Variants in OBSL1 observed in about 807,000 individuals in gnomAD.
OBSL1 encodes obscurin like cytoskeletal adaptor 1, also known as obscurin-like protein 1.
In OBSL1, 160 loss-of-function variants were observed where a neutral mutation model predicts 172.0. That is an observed-to-expected ratio of 0.93 (90% CI 0.82 to 1.06). The LOEUF is 1.06. OBSL1 is among the 50% of genes least tolerant of loss of function. OBSL1 has a pLI of 0.00. For synonymous variants in OBSL1, 1,200 were observed against 1,196.3 expected (o/e 1.00, Z -0.06); for missense variants, 2,681 against 2,715.4 (o/e 0.99, Z 0.28).
chr2:219,549,680 T>C (rs1695500275), downstream of OBSL1: 2 of 1,606,576 alleles, frequency 1.2e-6, no homozygotes, highest in East Asian at 4.5e-5. Flanking sequence ...GGCAGGATTC[T>C]GCGGTGGGAC....
In OBSL1 at chr2:219,557,589, C is replaced by T. The variant is rs1424707853; in HGVS notation, c.3820G>A (p.Ala1274Thr). Residue 1274 changes from alanine to threonine, a missense_variant, in exon 12 of 21, where the codon GCA becomes ACA. By Grantham distance (58) the Ala-to-Thr change is moderately conservative. Coordinates refer to ENST00000404537, the MANE Select transcript of OBSL1 (RefSeq NM_015311.3). Reference protein sequence around the residue: ...EPPVRVVAPEAAQTRVRSTPG... With the variant: ...EPPVRVVAPETAQTRVRSTPG... ...GTGCTCCGAACCCTCGTCTGGGCTG[C>T]CTCGGGAGCTACCACCCGCACAGGG... 3 of 1,545,702 alleles carry T rather than the reference C, an allele frequency of 1.9e-6. No homozygotes were observed. Among genetic ancestry groups the T allele is most frequent in the African/African-American group, 1.4e-5 (1 of 73,086 alleles).
intron 1 of OBSL1, chr2:219,569,257 G>C (rs1237674758): frequency 6.6e-6 from 1 of 152,188 alleles, no homozygotes; most frequent in Non-Finnish European, 1.5e-5. Flanking sequence ...TGATGAATCT[G>C]TGAGCATTGA....
At chr2:219,547,535 C>T, downstream of OBSL1, 1 of 1,454,082 alleles carries the variant, frequency 6.9e-7, no homozygotes. Context: ...AGTGCTCTTT[C>T]TCACTGGGTT....
At position 219,571,391 on chromosome 2, in the gene OBSL1, T is replaced by G; in HGVS notation, c.-159A>C. 7.8e-6 allele frequency: 3 copies of G among 383,414 alleles called. No individual in the cohort carries two copies. Among genetic ancestry groups the G allele is most frequent in the Non-Finnish European group, 1.3e-5 (3 of 227,844 alleles). 23.8% of individuals were successfully genotyped at this position (383,414 alleles called of 1,614,324 possible). On this transcript the variant is annotated 5_prime_UTR_variant, in exon 1 of 21. Coordinates refer to ENST00000404537, the MANE Select transcript of OBSL1 (RefSeq NM_015311.3). Reference sequence around the variant, plus strand: ...GCCTCCCGCTCCCGGCTCGCCTCCTTACCCTCGGCCCCGAGCTGCAGCTCT... The same window carrying G: ...GCCTCCCGCTCCCGGCTCGCCTCCTGACCCTCGGCCCCGAGCTGCAGCTCT...
chr2:219,570,172 C>G, intron 1 of OBSL1, 49 bp downstream of exon 1: 1 of 1,447,114 alleles, frequency 6.9e-7, no homozygotes, highest in Non-Finnish European at 9.2e-7. Flanking sequence ...GTTCGGAGGG[C>G]CTCGGAGGAC....
chr2:219,547,588 G>A (rs1359683060), downstream of OBSL1: 1 of 1,468,450 alleles, frequency 6.8e-7, no homozygotes, highest in Admixed American at 2.4e-5. Flanking sequence ...GCTACCGAGA[G>A]CGGGTGCTAG....
intron 5 of OBSL1, among the ~76,000 whole-genome samples, chr2:219,565,807 TCTGGTTG>T (rs1310262573): frequency 1.3e-5 from 2 of 152,186 alleles, no homozygotes; most frequent in Non-Finnish European, 2.9e-5. Flanking sequence ...GAAATGCTGC[TCTGGTTG>T]CTGGTCAGGT....
Position 219,553,669 on chromosome 2 carries a change from C to T in OBSL1, c.4894G>A (p.Val1632Met), listed in dbSNP as rs540208891. Residue 1632 changes from valine to methionine, a missense_variant, in exon 16 of 21, where the codon GTG becomes ATG. Physicochemically the swap from Val to Met is conservative, Grantham distance 21. This residue lies in a region of OBSL1 where 1,765 missense variants were observed against 1,748.3 expected (regional missense o/e 1.01). Coordinates refer to ENST00000404537, the MANE Select transcript of OBSL1 (RefSeq NM_015311.3). ...LIVREVPVTIVRGPHDLEVTE... is the reference protein window; with the variant it reads ...LIVREVPVTIMRGPHDLEVTE... ...ACCTCTAGGTCGTGTGGCCCCCGCA[C>T]GATGGTCACTGGGACCTCTGGGGGT... is the stretch of plus-strand genomic sequence containing the variant. 26 of 1,613,422 alleles carry T rather than the reference C, an allele frequency of 1.6e-5. No individual in the cohort carries two copies. In the African/African-American group the frequency reaches 2.4e-4, roughly 15 times the overall value.
Position 219,570,425 on chromosome 2 carries a change from T to A in OBSL1, c.808A>T (p.Met270Leu), listed in dbSNP as rs374681145. The change falls in exon 1 of 21, where the codon ATG becomes TTG. Residue 270 changes from methionine to leucine, a missense_variant. By Grantham distance (15) the Met-to-Leu change is conservative. Coordinates refer to ENST00000404537, the MANE Select transcript of OBSL1 (RefSeq NM_015311.3). ...TCGATCTCGGGCTCGGGCTTGCCCA[T>A]CACGTAGCAGCGGAACTTGGCGTGC... ...GKHAKFRCYV[M>L]GKPEPEIEWH... The A allele has an allele frequency of 2.5e-6, 4 of 1,613,156 alleles. No homozygotes were observed. The highest frequency in any genetic ancestry group is 3.4e-6 in the Non-Finnish European group (4 of 1,179,558).
In OBSL1 at chr2:219,570,550, T is replaced by C. The variant is rs1697271798; in HGVS notation, c.683A>G (p.Gln228Arg). The change falls in exon 1 of 21, where the codon CAG becomes CGG. Residue 228 changes from glutamine (Q) to arginine (R), a missense_variant. Transcript: ENST00000404537. ...GTCCGCGGGCGGGCTCTCGGGGGGC[T>C]GGTGCACCTGGAGCAGCGCCCCCGC... ...AQAGALLQVH[Q>R]PPESPPADPD... The C allele has an allele frequency of 6.3e-7, 1 of 1,593,702 alleles. No individual in the cohort carries two copies. Among genetic ancestry groups the C allele is most frequent in the Non-Finnish European group, 8.5e-7 (1 of 1,171,498 alleles).
In OBSL1 at chr2:219,557,462, T is replaced by G. The variant is rs1055049485; in HGVS notation, c.3947A>C (p.Gln1316Pro). ...CTGCCTGGCCCCGGCCTGCTCCAGC[T>G]GCACCCGCCCCTGGCTTGCCAGTCG... Reference protein sequence around the residue: ...GERLASQGRVQLEQAGARQVL... With the variant: ...GERLASQGRVPLEQAGARQVL... The change falls in exon 12 of 21, where the codon CAG becomes CCG. Residue 1316 changes from glutamine to proline, a missense_variant. This residue lies in a region of OBSL1 where 1,765 missense variants were observed against 1,748.3 expected (regional missense o/e 1.01). Coordinates refer to ENST00000404537, the MANE Select transcript of OBSL1 (RefSeq NM_015311.3). 3.2e-6 allele frequency: 5 copies of G among 1,548,516 alleles called. No individual in the cohort carries two copies. Among genetic ancestry groups the G allele is most frequent in the African/African-American group, 1.4e-5 (1 of 73,062 alleles).
intron 8 of OBSL1, chr2:219,561,867 A>G (rs1320881453): frequency 1.4e-6 from 1 of 717,240 alleles, no homozygotes; most frequent in African/African-American, 1.7e-5. Context: ...GTGGGCCCCA[A>G]ACTATGGGGG....
At chr2:219,556,940 C>T in intron 12 of OBSL1, 1 of 545,290 alleles carries the variant, frequency 1.8e-6, no homozygotes, top group Non-Finnish European at 3.2e-6. Context: ...AGCACCCCAC[C>T]TTGGTGGCAC....
In OBSL1 at chr2:219,554,634, C is replaced by A. The variant is rs1421855350; in HGVS notation, c.4716G>T (p.Trp1572Cys). 1.2e-6 allele frequency: 2 copies of A among 1,611,166 alleles called. No homozygotes were observed. The highest frequency in any genetic ancestry group is 1.7e-5 in the Admixed American group (1 of 59,688). Residue 1572 changes from tryptophan to cysteine, a missense_variant, in exon 15 of 21, where the codon TGG becomes TGT. Around this residue, in one of 5 missense-constraint regions of OBSL1, gnomAD observed 1,765 missense variants for 1,748.3 expected, o/e 1.01. Coordinates refer to ENST00000404537, the MANE Select transcript of OBSL1 (RefSeq NM_015311.3). ...ELSQEGVTGEWARGGVQLYPG... is the reference protein window; with the variant it reads ...ELSQEGVTGECARGGVQLYPG... ...GATACAGCTGTACTCCACCCCGGGCCCACTCCCCGGTCACACCTTCCTGGG... is the reference window on the plus strand; with the variant it reads ...GATACAGCTGTACTCCACCCCGGGCACACTCCCCGGTCACACCTTCCTGGG...
At chr2:219,553,529 G>T in intron 16 of OBSL1, 45 bp downstream of exon 16, 1 of 1,343,404 alleles carries the variant, frequency 7.4e-7, no homozygotes, top group Non-Finnish European at 1.1e-6. Context: ...CATTATTATC[G>T]TTGGTGTTAC....
chr2:219,555,451 A>AT, intron 14 of OBSL1: 1 of 172,348 alleles, frequency 5.8e-6, no homozygotes, highest in Non-Finnish European at 1.2e-5. Flanking sequence ...GCTAATTTTT[A>AT]TTTTTTTTTG....
At position 219,553,684 on chromosome 2, in the gene OBSL1, C is replaced by T; in HGVS notation, c.4879G>A (p.Val1627Ile). 1 of 1,611,914 alleles carries T rather than the reference C, an allele frequency of 6.2e-7. No individual in the cohort carries two copies. Among genetic ancestry groups the T allele is most frequent in the Non-Finnish European group, 8.5e-7 (1 of 1,178,522 alleles). Residue 1627 changes from valine (V) to isoleucine (I), a missense_variant and splice_region_variant, in exon 16 of 21, where the codon GTC becomes ATC. By Grantham distance (29) the Val-to-Ile change is conservative. Around this residue, in one of 5 missense-constraint regions of OBSL1, gnomAD observed 1,765 missense variants for 1,748.3 expected, o/e 1.01. Coordinates refer to ENST00000404537, the MANE Select transcript of OBSL1 (RefSeq NM_015311.3). ...GGCCCCCGCACGATGGTCACTGGGA[C>T]CTCTGGGGGTGGGAGAGGGAGGACA... Reference protein sequence around the residue: ...RCAARLIVREVPVTIVRGPHD... With the variant: ...RCAARLIVREIPVTIVRGPHD...
Position 219,571,337 on chromosome 2 carries a change from G to T in OBSL1, c.-105C>A. 1.4e-6 allele frequency: 1 copy of T among 716,494 alleles called. No homozygotes were observed. Among genetic ancestry groups the T allele is most frequent in the South Asian group, 6.6e-5 (1 of 15,252 alleles). 44.4% of individuals were successfully genotyped at this position (716,494 alleles called of 1,614,324 possible). A position where few individuals can be genotyped will look rare whatever the true frequency, so the allele number is the denominator to read the frequency against. On this transcript the variant is annotated 5_prime_UTR_variant, in exon 1 of 21. Transcript: ENST00000404537. Reference sequence around the variant, plus strand: ...CGGGGTCGGGGCGCGGCTGGGGACTGGGCGCGGGGACCCGCGGAGCTCTCC... The same window carrying T: ...CGGGGTCGGGGCGCGGCTGGGGACTTGGCGCGGGGACCCGCGGAGCTCTCC...
At chr2:219,549,901 G>A (rs1310032219), downstream of OBSL1, 8 of 1,590,916 alleles carry the variant, frequency 5.0e-6, no homozygotes, top group African/African-American at 5.4e-5. Flanking sequence ...CTGCCAGCTC[G>A]AGGAGGCCTG....
Sources: gnomAD v4.1 joint callset for allele counts (sites outside exome capture counted in the v4.1 genomes callset) on GRCh38, gnomAD v4.1.1 for gene constraint, gnomAD v4.1.1 regional missense constraint, MANE v1.5 for transcripts, NCBI Gene and HGNC (gene_info 2026-07-23, HGNC 2026-07-21) for gene names.